C19orf12: variants seen among roughly 807,000 people sequenced by gnomAD.
The protein encoded by C19orf12 is chromosome 19 open reading frame 12.
In C19orf12, 2 loss-of-function variants were observed where a neutral mutation model predicts 3.8. That is an observed-to-expected ratio of 0.53 (90% CI 0.22 to 1.66). The LOEUF (loss-of-function observed/expected upper bound fraction) is 1.66, where lower values mean the gene tolerates loss of function less well. C19orf12 is among the 40% of genes most tolerant of loss of function. C19orf12 has a pLI of 0.20. For missense variants in C19orf12, 156 were observed against 188.8 expected (o/e 0.83, Z 1.02); for synonymous variants, 89 against 84.6 (o/e 1.05, Z -0.28).
intron 2 of C19orf12, among the ~76,000 whole-genome samples, chr19:29,705,574 G>A (rs2145631960): frequency 6.7e-6 from 1 of 149,110 alleles, no homozygotes; most frequent in South Asian, 2.1e-4. Flanking sequence ...GCAGTGGTGT[G>A]ATCATACCTC....
chr19:29,704,517 C>A (rs542181310), intron 2 of C19orf12, among the ~76,000 whole-genome samples: 1 of 152,322 alleles, frequency 6.6e-6, no homozygotes, highest in South Asian at 2.1e-4. Context: ...TCTACTTCTG[C>A]CACCCTAAAA....
Position 29,715,204 on chromosome 19 carries a change from C to G in C19orf12, c.-90G>C. The stretch of plus-strand genomic sequence containing the variant: ...CGGGCCTGGCAGGCCCCGGGCTCCC[C>G]GCCCAGCTCCCCAGCCCCGCGGAGG... On this transcript the variant is annotated 5_prime_UTR_variant, in exon 1 of 3. Transcript: ENST00000323670. The G allele has an allele frequency of 2.1e-6, 1 of 465,174 alleles. No individual in the cohort carries two copies. The highest frequency in any genetic ancestry group is 3.9e-6 in the Non-Finnish European group (1 of 255,528). The allele number at this position is 465,174 out of a possible 1,614,324, so 28.8% of individuals were successfully genotyped here.
upstream of C19orf12, chr19:29,715,290 TGCGCCGGGCCTTCCGGGAAGCCAC>T (rs915824434): frequency 6.1e-5 from 24 of 394,722 alleles, no homozygotes; most frequent in East Asian, 5.0e-4. Flanking sequence ...ACCTTCCGGC[TGCGCCGGGCCTTCCGGGAAGCCAC>T]GCGCCGGGCC....
upstream of C19orf12, chr19:29,715,620 C>T (rs1333541842): frequency 1.5e-5 from 3 of 205,002 alleles, no homozygotes; most frequent in East Asian, 1.9e-4. Context: ...CCTGGAGGAC[C>T]CCTCTCTCCC....
In C19orf12 at chr19:29,707,285, A is replaced by G. The variant is rs1568331450; in HGVS notation, c.160+969T>C. On this transcript the variant is annotated intron_variant, in intron 2 of 2. Coordinates refer to ENST00000323670, the MANE Select transcript of C19orf12 (RefSeq NM_031448.6). ...GGCAGGAGAATCACTTGAACCCACA[A>G]GGCAGTGGTTGCGGTGAGCCGAGAT... Among the ~76,000 whole-genome samples the G allele has an allele frequency of 2.6e-5, 4 of 152,254 alleles. No individual in the cohort carries two copies. In the Middle Eastern group the frequency reaches 0.01, roughly 388 times the overall value.
chr19:29,705,341 G>A, intron 2 of C19orf12: 1 of 437,322 alleles, frequency 2.3e-6, no homozygotes, highest in South Asian at 1.6e-5. Context: ...TTAAAGGCCA[G>A]AGGAGACTAA....
chr19:29,708,605 A>G, intron 1 of C19orf12, 182 bp from the exon 2 acceptor site: 1 of 716,204 alleles, frequency 1.4e-6, no homozygotes, highest in South Asian at 1.6e-5. Flanking sequence ...CAGGACAGGC[A>G]GCAGTTAGTG....
At position 29,702,758 on chromosome 19, in the gene C19orf12, T is replaced by C; in HGVS notation, c.380A>G (p.Asn127Ser). ...GGCCCGCAGCTCCTTGGTGACGTAG[T>C]TCACCAGCATGGCCAGCAGCTGCTG... ...LQQQLLAMLV[N>S]YVTKELRAEI... is the part of the protein sequence containing the mutation. The change falls in exon 3 of 3, where the codon AAC becomes AGC. Residue 127 changes from asparagine (N) to serine (S), a missense_variant. Asn to Ser is a conservative substitution (Grantham distance 46). Coordinates refer to ENST00000323670, the MANE Select transcript of C19orf12 (RefSeq NM_031448.6). The C allele has an allele frequency of 6.2e-7, 1 of 1,613,916 alleles. No homozygotes were observed. Among genetic ancestry groups the C allele is most frequent in the Non-Finnish European group, 8.5e-7 (1 of 1,179,982 alleles).
chr19:29,709,227 C>CA lies in C19orf12; in HGVS notation c.-10-805dup, dbSNP rs1972540716. On this transcript the variant is annotated intron_variant, in intron 1 of 2. Transcript: ENST00000323670. ...AGGCTTTGCAATATATATGAATAGA[C>CA]AGACGGACGGGCGAGTAGACCTTTA... is the stretch of plus-strand genomic sequence containing the variant. Among the ~76,000 whole-genome samples the CA allele has an allele frequency of 2.0e-5, 3 of 152,350 alleles. No individual in the cohort carries two copies. The South Asian group carries it at 6.2e-4, about 32-fold the overall frequency.
chr19:29,711,833 G>A (rs1972696503), intron 1 of C19orf12, among the ~76,000 whole-genome samples: 1 of 152,174 alleles, frequency 6.6e-6, no homozygotes. Context: ...AATCTACAGA[G>A]GCTAAAGAGA....
rs749962129 is a variant in C19orf12 at position 29,702,826 on chromosome 19, G to A, written c.312C>T (p.Ala104=). 46 of 1,613,886 alleles carry A rather than the reference G, an allele frequency of 2.9e-5. No individual in the cohort carries two copies. In the South Asian group the frequency reaches 3.4e-4, roughly 12 times the overall value. Residue 104 remains alanine (A), a synonymous_variant, in exon 3 of 3, where the codon GCC becomes GCT. Transcript: ENST00000323670. ...AIIRHLEWTD[A]VQLTALVMGS... is the part of the protein sequence containing the mutation. Reference sequence around the variant, plus strand: ...CCATGACCAGCGCGGTCAGCTGCACGGCGTCCGTCCACTCCAGGTGCCTGA... The same window carrying A: ...CCATGACCAGCGCGGTCAGCTGCACAGCGTCCGTCCACTCCAGGTGCCTGA...
chr19:29,708,859 C>T (rs544013197), intron 1 of C19orf12, among the ~76,000 whole-genome samples: 70 of 152,324 alleles, frequency 4.6e-4, no homozygotes, highest in African/African-American at 1.6e-3. Flanking sequence ...AAGCCAGAGC[C>T]AGGGAAGGGA....
rs1599546451 is a variant in C19orf12, at chr19:29,708,488, C to T, written c.-10-65G>A. 8.2e-6 allele frequency: 13 copies of T among 1,591,096 alleles called. No individual in the cohort carries two copies. In the East Asian group the frequency reaches 2.7e-4, roughly 33 times the overall value. ...TAAGAGTATTTCCATCACAATGCCA[C>T]TCTAGTTCCTAGAGTTTTAAGGAAG... On this transcript the variant is annotated intron_variant, in intron 1 of 2. Transcript: ENST00000323670.
rs900632864 is a variant in C19orf12, at chr19:29,701,370, C to T, written c.*1342G>A. 8 of 454,008 alleles carry T rather than the reference C, an allele frequency of 1.8e-5. No homozygotes were observed. The highest frequency in any genetic ancestry group is 1.6e-4 in the African/African-American group (8 of 50,002). The allele number at this position is 454,008 out of a possible 1,614,324, so 28.1% of individuals were successfully genotyped here. On this transcript the variant is annotated 3_prime_UTR_variant, in exon 3 of 3. Coordinates refer to ENST00000323670, the MANE Select transcript of C19orf12 (RefSeq NM_031448.6). ...TTGCACGTAACCTACGCACACCTTCCTGTATAATTTAAATCATCTCTAGAT... is the reference window on the plus strand; with the variant it reads ...TTGCACGTAACCTACGCACACCTTCTTGTATAATTTAAATCATCTCTAGAT...
rs572369051 is a variant in C19orf12 at position 29,699,933 on chromosome 19, C to T, written c.*2779G>A. The T allele has an allele frequency of 8.8e-6, 4 of 454,016 alleles. No homozygotes were observed. The highest frequency in any genetic ancestry group is 1.6e-5 in the South Asian group (1 of 64,468). The allele number at this position is 454,016 out of a possible 1,614,324, so 28.1% of individuals were successfully genotyped here. A position where few individuals can be genotyped will look rare whatever the true frequency, so the allele number is the denominator to read the frequency against. On this transcript the variant is annotated 3_prime_UTR_variant, in exon 3 of 3. Transcript: ENST00000323670. ...TGGGGGAAATCAAGAAAAGTGCTTT[C>T]GGCTCCTGGGGGAGATAAGACTCCA...
At chr19:29,711,987 A>T (rs1203876013) in intron 1 of C19orf12, among the ~76,000 whole-genome samples, 2 of 152,240 alleles carry the variant, frequency 1.3e-5, no homozygotes. Context: ...GCAGCCTAAG[A>T]AGTCGTTGCC....
In C19orf12 at chr19:29,700,361, T is replaced by C. The variant is rs1328371100; in HGVS notation, c.*2351A>G. The C allele has an allele frequency of 8.8e-6, 4 of 453,982 alleles. No individual in the cohort carries two copies. Among genetic ancestry groups the C allele is most frequent in the East Asian group, 1.4e-4 (2 of 14,412 alleles). 28.1% of individuals were successfully genotyped at this position (453,982 alleles called of 1,614,324 possible). A position where few individuals can be genotyped will look rare whatever the true frequency, so the allele number is the denominator to read the frequency against. ...CAACTTTGAAGCACTGAACCAAACA[T>C]CTTTGTTGAGGTTTCATTCTCACGA... is the stretch of plus-strand genomic sequence containing the variant. On this transcript the variant is annotated 3_prime_UTR_variant, in exon 3 of 3. Transcript: ENST00000323670.
rs185897718 is a variant in C19orf12 at position 29,702,920 on chromosome 19, A to G, written c.218T>C (p.Val73Ala). 6.2e-7 allele frequency: 1 copy of G among 1,614,172 alleles called. No individual in the cohort carries two copies. Among genetic ancestry groups the G allele is most frequent in the East Asian group, 2.2e-5 (1 of 44,870 alleles). The change falls in exon 3 of 3, where the codon GTT becomes GCT. Residue 73 changes from valine to alanine, a missense_variant. Val to Ala is a moderately conservative substitution (Grantham distance 64, BLOSUM62 0). Coordinates refer to ENST00000323670, the MANE Select transcript of C19orf12 (RefSeq NM_031448.6). ...AWMTSGQFKP[V>A]PQILMELPPA... ...GGGCAGCTCCATTAGGATCTGAGGA[A>G]CCGGCTTAAACTGTCCACTTGTCAT... is the stretch of plus-strand genomic sequence containing the variant.
intron 1 of C19orf12, among the ~76,000 whole-genome samples, chr19:29,713,391 G>C (rs771962630): frequency 6.6e-6 from 1 of 152,094 alleles, no homozygotes. Context: ...AGGCGCCCAG[G>C]CTGCTCTGAC....
Sources: gnomAD v4.1 joint callset for allele counts (sites outside exome capture counted in the v4.1 genomes callset) on GRCh38, gnomAD v4.1.1 for gene constraint, MANE v1.5 for transcripts, NCBI Gene and HGNC (gene_info 2026-07-23, HGNC 2026-07-21) for gene names.